The following AMBRA1 variants were observed in gnomAD, a reference collection of about 807,000 sequenced individuals.
AMBRA1 encodes autophagy and beclin 1 regulator 1, also known as activating molecule in BECN1-regulated autophagy protein 1.
In AMBRA1, 47 loss-of-function variants were observed where a neutral mutation model predicts 125.4. The observed-to-expected ratio is 0.37, with a 90% confidence interval of 0.30 to 0.48. The LOEUF is 0.48. AMBRA1 is among the 20% of genes least tolerant of loss of function. The probability of loss-of-function intolerance (pLI) is 0.99; values close to 1 mark genes in which losing one functional copy is unlikely to be tolerated. For missense variants in AMBRA1, 1,331 were observed against 1,693.4 expected (o/e 0.79, Z 3.76); for synonymous variants, 626 against 655.5 (o/e 0.95, Z 0.69).
intron 15 of AMBRA1, among the ~76,000 whole-genome samples, chr11:46,411,115 GAA>G (rs1311400190): frequency 1.7e-5 from 2 of 115,610 alleles, no homozygotes; most frequent in Non-Finnish European, 1.9e-5. Flanking sequence ...AAAAAAAAAA[GAA>G]AAAAAAAAAA....
At chr11:46,551,663 G>A (rs1046009033) in intron 1 of AMBRA1, among the ~76,000 whole-genome samples, 4 of 152,148 alleles carry the variant, frequency 2.6e-5, no homozygotes, top group Non-Finnish European at 5.9e-5. Context: ...CTGAGGTCAG[G>A]AGTTTGAGAC....
Position 46,396,551 on chromosome 11 carries a change from A to G in AMBRA1, c.*899T>C, listed in dbSNP as rs1433850323. On this transcript the variant is annotated 3_prime_UTR_variant, in exon 18 of 18. Transcript: ENST00000683756. Reference sequence around the variant, plus strand: ...GAAATCACATTTTCATACTAAAAACAAAATGATCAGAGCCTTGATTTCTCC... The same window carrying G: ...GAAATCACATTTTCATACTAAAAACGAAATGATCAGAGCCTTGATTTCTCC... 2 of 152,710 alleles carry G rather than the reference A, an allele frequency of 1.3e-5. No homozygotes were observed. Among genetic ancestry groups the G allele is most frequent in the African/African-American group, 4.8e-5 (2 of 41,466 alleles). 9.5% of individuals were successfully genotyped at this position (152,710 alleles called of 1,614,324 possible).
At chr11:46,460,290 A>T (rs1386743118) in intron 11 of AMBRA1, among the ~76,000 whole-genome samples, 1 of 152,088 alleles carries the variant, frequency 6.6e-6, no homozygotes, top group East Asian at 1.9e-4. Context: ...ATGATGATCC[A>T]TATGCATACG....
intron 9 of AMBRA1, among the ~76,000 whole-genome samples, chr11:46,507,917 G>A (rs1037155927): frequency 1.3e-5 from 2 of 152,172 alleles, no homozygotes; most frequent in African/African-American, 2.4e-5. Context: ...AATGTTGCCC[G>A]AGGAGCAACA....
In AMBRA1 at chr11:46,470,588, CA is replaced by C. The variant is rs766521795; in HGVS notation, c.2521+23019del. 2.5e-3 allele frequency among the ~76,000 whole-genome samples: 131 copies of C among 53,446 alleles called. 1 individual carries two copies. The highest frequency in any genetic ancestry group is 9.4e-3 in the East Asian group (15 of 1,594). The allele number at this position is 53,446 out of a possible 152,430, so 35.1% of individuals were successfully genotyped here. A position where few individuals can be genotyped will look rare whatever the true frequency, so the allele number is the denominator to read the frequency against. On this transcript the variant is annotated intron_variant, in intron 11 of 17. Coordinates refer to ENST00000683756, the MANE Select transcript of AMBRA1 (RefSeq NM_001387011.1). ...TGGGCGACAGAGTGAGACTCCGTCTCAAAAAAAAAAAAAAAAAAAAAAAATT... is the reference window on the plus strand; with the variant it reads ...TGGGCGACAGAGTGAGACTCCGTCTCAAAAAAAAAAAAAAAAAAAAAAATT...
At chr11:46,429,084 C>T in intron 14 of AMBRA1, 1 of 1,609,396 alleles carries the variant, frequency 6.2e-7, no homozygotes, top group Non-Finnish European at 8.5e-7. Context: ...TCCTTCTTGG[C>T]CACCATGACT....
At chr11:46,449,973 C>T (rs1590836524) in intron 11 of AMBRA1, among the ~76,000 whole-genome samples, 2 of 151,416 alleles carry the variant, frequency 1.3e-5, no homozygotes, top group South Asian at 2.1e-4. Flanking sequence ...GCAGGAGAAT[C>T]GCTTGAACAC....
intron 1 of AMBRA1, among the ~76,000 whole-genome samples, chr11:46,587,107 C>G (rs1705746249): frequency 6.6e-6 from 1 of 152,176 alleles, no homozygotes; most frequent in South Asian, 2.1e-4. Flanking sequence ...AGGTCAGGCA[C>G]AGTGGCTCCC....
chr11:46,590,465 T>C (rs2044557191), intron 1 of AMBRA1, among the ~76,000 whole-genome samples: 1 of 151,434 alleles, frequency 6.6e-6, no homozygotes, highest in Non-Finnish European at 1.5e-5. Flanking sequence ...CCTCATCTCT[T>C]CAGGAAAAAA....
chr11:46,397,834 G>A lies in AMBRA1; in HGVS notation c.3513C>T (p.Thr1171=), dbSNP rs1311491828. The A allele has an allele frequency of 6.2e-7, 1 of 1,603,762 alleles. No individual in the cohort carries two copies. The highest frequency in any genetic ancestry group is 8.5e-7 in the Non-Finnish European group (1 of 1,179,952). ...TAVVQREQST[T]MASMGGFGNN... is the part of the protein sequence containing the mutation. ...TGCCGAAGCCGCCCATGGAGGCCATGGTGGTGCTCTGCTCCCGCTGCACCA... is the reference window on the plus strand; with the variant it reads ...TGCCGAAGCCGCCCATGGAGGCCATAGTGGTGCTCTGCTCCCGCTGCACCA... The change falls in exon 18 of 18, where the codon ACC becomes ACT. Residue 1171 remains threonine (T), a synonymous_variant. Transcript: ENST00000683756.
chr11:46,507,176 C>CAAAA lies in AMBRA1; in HGVS notation c.2339+1011_2339+1014dup, dbSNP rs59385965. 7.9e-3 allele frequency among the ~76,000 whole-genome samples: 250 copies of CAAAA among 31,488 alleles called. 9 individuals carry two copies. Among genetic ancestry groups the CAAAA allele is most frequent in the African/African-American group, 0.03 (239 of 8,080 alleles). 20.7% of individuals were successfully genotyped at this position (31,488 alleles called of 152,430 possible). Reference sequence around the variant, plus strand: ...TAGGCAACACAGCAAGACTCCGTCTCAAAAAAAAAAAAAAAAAAAAAGGCT... The same window carrying CAAAA: ...TAGGCAACACAGCAAGACTCCGTCTCAAAAAAAAAAAAAAAAAAAAAAAAAGGCT... On this transcript the variant is annotated intron_variant, in intron 9 of 17. Transcript: ENST00000683756.
At chr11:46,482,094 GT>G (rs1255558648) in intron 11 of AMBRA1, among the ~76,000 whole-genome samples, 2 of 152,132 alleles carry the variant, frequency 1.3e-5, no homozygotes, top group Non-Finnish European at 2.9e-5. Flanking sequence ...TGTTGTTGTT[GT>G]TTTTGCTTAG....
intron 8 of AMBRA1, among the ~76,000 whole-genome samples, chr11:46,511,089 T>C (rs551581900): frequency 3.2e-4 from 49 of 152,320 alleles, no homozygotes; most frequent in African/African-American, 1.1e-3. Context: ...ATTTATTATA[T>C]AAAAGGAGGA....
chr11:46,578,094 TG>T (rs2135300111), intron 1 of AMBRA1, among the ~76,000 whole-genome samples: 1 of 152,122 alleles, frequency 6.6e-6, no homozygotes, highest in East Asian at 1.9e-4. Context: ...TAGTCTAGCC[TG>T]GAAGAAAGTG....
intron 17 of AMBRA1, among the ~76,000 whole-genome samples, chr11:46,399,817 C>T (rs148851141): frequency 3.3e-5 from 5 of 152,310 alleles, no homozygotes; most frequent in African/African-American, 7.2e-5. Flanking sequence ...AACTGACCAG[C>T]ACAGGACCCA....
chr11:46,505,794 A>G (rs1196145701), intron 9 of AMBRA1, among the ~76,000 whole-genome samples: 1 of 152,064 alleles, frequency 6.6e-6, no homozygotes, highest in African/African-American at 2.4e-5. Flanking sequence ...GAGAAAGGGA[A>G]GGTAAGACAA....
chr11:46,464,415 T>A (rs527309028), intron 11 of AMBRA1, among the ~76,000 whole-genome samples: 9 of 152,148 alleles, frequency 5.9e-5, no homozygotes, highest in Non-Finnish European at 1.3e-4. Flanking sequence ...ACTATGCACC[T>A]TCCTGAGATG....
chr11:46,568,900 A>G (rs113262475), intron 1 of AMBRA1, among the ~76,000 whole-genome samples: 2,431 of 134,158 alleles, frequency 0.018, 74 homozygotes, highest in African/African-American at 0.065. Flanking sequence ...TCCGCCTCCC[A>G]GGTTCAATCG....
intron 7 of AMBRA1, among the ~76,000 whole-genome samples, chr11:46,521,717 C>G: frequency 6.6e-6 from 1 of 152,240 alleles, no homozygotes; most frequent in Non-Finnish European, 1.5e-5. Context: ...TTCATCTGAT[C>G]GCTGCAGGGC....
Sources: gnomAD v4.1 joint callset for allele counts (sites outside exome capture counted in the v4.1 genomes callset) on GRCh38, gnomAD v4.1.1 for gene constraint, MANE v1.5 for transcripts, NCBI Gene and HGNC (gene_info 2026-07-23, HGNC 2026-07-21) for gene names.